The following TULP1 variants were observed in gnomAD, a reference collection of about 807,000 sequenced individuals.
TULP1 encodes tubby-related protein 1.
A neutral mutation model predicts 67.1 loss-of-function variants in TULP1; 50 were observed. That is an observed-to-expected ratio of 0.75 (90% CI 0.59 to 0.94). TULP1 has a LOEUF of 0.94. TULP1 is among the 40% of genes least tolerant of loss of function. The pLI is 0.00. For missense variants in TULP1, 746 were observed against 734.1 expected (o/e 1.02, Z -0.19); for synonymous variants, 297 against 294.0 (o/e 1.01, Z -0.11).
chr6:35,510,621 G>A, intron 5 of TULP1: 2 of 726,584 alleles, frequency 2.8e-6, no homozygotes, highest in Non-Finnish European at 4.4e-6. Context: ...AGAATCCTCT[G>A]TCCTCCTCTG....
chr6:35,508,649 A>C (rs1761127583), intron 8 of TULP1, among the ~76,000 whole-genome samples: 1 of 152,186 alleles, frequency 6.6e-6, no homozygotes, highest in Admixed American at 6.5e-5. Context: ...TATTCAAAAT[A>C]TTTAACAACC....
In TULP1 at chr6:35,505,266, G is replaced by C. The variant is rs181977722; in HGVS notation, c.1112+475C>G. Among the ~76,000 whole-genome samples the C allele has an allele frequency of 7.9e-5, 12 of 152,358 alleles. No homozygotes were observed. In the East Asian group the frequency reaches 2.3e-3, roughly 29 times the overall value. ...TACATACATTTAGGAAATAAGGCCT[G>C]ACTCAGGCATCCCCTTCCTTCAGCT... On this transcript the variant is annotated intron_variant, in intron 11 of 14. Coordinates refer to ENST00000229771, the MANE Select transcript of TULP1 (RefSeq NM_003322.6).
intron 8 of TULP1, among the ~76,000 whole-genome samples, chr6:35,508,326 A>C (rs1018534907): frequency 1.3e-5 from 2 of 152,256 alleles, no homozygotes; most frequent in Admixed American, 6.5e-5. Context: ...GCAAATTTCA[A>C]GAGCCTACTG....
chr6:35,504,817 C>T (rs1051695316), intron 11 of TULP1, among the ~76,000 whole-genome samples: 1 of 152,010 alleles, frequency 6.6e-6, no homozygotes, highest in Admixed American at 6.6e-5. Context: ...CCGCCCGCCT[C>T]AGCCTCCCAA....
At chr6:35,511,039 G>T (rs2273002) in intron 4 of TULP1, 29 bp from the exon 5 acceptor site, 1 of 1,600,580 alleles carries the variant, frequency 6.2e-7, no homozygotes, top group East Asian at 2.2e-5. Context: ...CATAATGGGG[G>T]TTTGAGCCGG....
At chr6:35,512,298 G>A in intron 2 of TULP1, 28 bp from the exon 3 acceptor site, 1 of 1,273,152 alleles carries the variant, frequency 7.9e-7, no homozygotes, top group South Asian at 1.9e-5. Context: ...AGAGGAGGTC[G>A]AGGAAGGAAA....
Position 35,503,593 on chromosome 6 carries a change from G to T in TULP1, c.1289C>A (p.Ala430Glu). Residue 430 changes from alanine to glutamate, a missense_variant, in exon 13 of 15, where the codon GCG (alanine) becomes GAG (glutamate). By Grantham distance (107) the Ala-to-Glu change is moderately radical (BLOSUM62 -1). This residue lies in a region of TULP1 where 383 missense variants were observed against 374.1 expected (regional missense o/e 1.02). Coordinates refer to ENST00000229771, the MANE Select transcript of TULP1 (RefSeq NM_003322.6). This position sits in a 1 kb window ranked among gnomAD's most constrained non-coding sequence, Gnocchi z 4.0. ...RMTVIIPGMS[A>E]ENERVPIRPR... ...CCGGATGGGGACCCTCTCGTTCTCC[G>T]CACTCATGCCAGGAATGATGACGGT... is the stretch of plus-strand genomic sequence containing the variant. 1 of 1,591,492 alleles carries T rather than the reference G, an allele frequency of 6.3e-7. No individual in the cohort carries two copies. Among genetic ancestry groups the T allele is most frequent in the Non-Finnish European group, 8.6e-7 (1 of 1,169,176 alleles).
At position 35,503,453 on chromosome 6, in the gene TULP1, G is replaced by T; in HGVS notation, c.1323+106C>A. The T allele has an allele frequency of 1.7e-6, 2 of 1,165,036 alleles. No individual in the cohort carries two copies. The allele number at this position is 1,165,036 out of a possible 1,614,324, so 72.2% of individuals were successfully genotyped here. A position where few individuals can be genotyped will look rare whatever the true frequency, so the allele number is the denominator to read the frequency against. Reference sequence around the variant, plus strand: ...CCCTAGGTGGCCAGAATGAATTTGTGTTGGAGGGTGATGGATGTGCTCAGG... The same window carrying T: ...CCCTAGGTGGCCAGAATGAATTTGTTTTGGAGGGTGATGGATGTGCTCAGG... On this transcript the variant is annotated intron_variant, in intron 13 of 14. Coordinates refer to ENST00000229771, the MANE Select transcript of TULP1 (RefSeq NM_003322.6). The surrounding 1 kb of genome is among the most constrained non-coding windows in gnomAD (Gnocchi z 4.0).
In TULP1 at chr6:35,500,647, C is replaced by T. The variant is rs1192618921; in HGVS notation, c.1324-495G>A. Among the ~76,000 whole-genome samples the T allele has an allele frequency of 3.3e-5, 5 of 152,318 alleles. No homozygotes were observed. In the East Asian group the frequency reaches 7.7e-4, roughly 23 times the overall value. Reference sequence around the variant, plus strand: ...CTTGAGTTTCCTTGTCGCCTGCTCACGTTCATGGATTAGAGTGAGTCCACT... The same window carrying T: ...CTTGAGTTTCCTTGTCGCCTGCTCATGTTCATGGATTAGAGTGAGTCCACT... On this transcript the variant is annotated intron_variant, in intron 13 of 14. Transcript: ENST00000229771.
chr6:35,511,845 C>A, intron 3 of TULP1, 39 bp from the exon 4 acceptor site: 1 of 1,492,914 alleles, frequency 6.7e-7, no homozygotes. Flanking sequence ...GTCCCATCCG[C>A]GGGTCCGCGA....
chr6:35,512,144 C>T, intron 3 of TULP1, 36 bp downstream of exon 3: 1 of 1,293,956 alleles, frequency 7.7e-7, no homozygotes, highest in Non-Finnish European at 1.0e-6. Flanking sequence ...GCAGCCCACA[C>T]CCTGGGGGTC....
chr6:35,500,370 G>A (rs1457537904), intron 13 of TULP1, among the ~76,000 whole-genome samples: 3 of 152,176 alleles, frequency 2.0e-5, no homozygotes, highest in Admixed American at 6.5e-5. Flanking sequence ...GGATGTCAAA[G>A]CGGAGGGCTG....
rs1260558245 is a variant in TULP1 at position 35,498,794 on chromosome 6, C to G, written c.1496-334G>C. 6.6e-6 allele frequency among the ~76,000 whole-genome samples: 1 copy of G among 152,170 alleles called. No homozygotes were observed. Among genetic ancestry groups the G allele is most frequent in the Non-Finnish European group, 1.5e-5 (1 of 68,034 alleles). ...TTCCTTCCCAAATTCTCTGTTGTTT[C>G]TGGCCACAGTCTTTCCTCCTATCCC... On this transcript the variant is annotated intron_variant, in intron 14 of 14. Coordinates refer to ENST00000229771, the MANE Select transcript of TULP1 (RefSeq NM_003322.6). This position sits in a 1 kb window ranked among gnomAD's most constrained non-coding sequence, Gnocchi z 6.7.
chr6:35,506,490 TACTA>T (rs1490089086), intron 8 of TULP1, among the ~76,000 whole-genome samples: 1 of 152,232 alleles, frequency 6.6e-6, no homozygotes, highest in Admixed American at 6.5e-5. Flanking sequence ...CTAGTTTCAC[TACTA>T]ACTGTCTTCA....
At chr6:35,509,479 A>G (rs1483433502) in intron 7 of TULP1, among the ~76,000 whole-genome samples, 155 bp downstream of exon 7, 1 of 152,120 alleles carries the variant, frequency 6.6e-6, no homozygotes, top group African/African-American at 2.4e-5. Flanking sequence ...CCGCATAGCT[A>G]TCAAAGCGGG....
chr6:35,511,460 G>A (rs1472308499), intron 4 of TULP1, among the ~76,000 whole-genome samples, 188 bp downstream of exon 4: 1 of 151,952 alleles, frequency 6.6e-6, no homozygotes, highest in Non-Finnish European at 1.5e-5. Context: ...CAATGGTGGA[G>A]GGGGGGAACA....
In TULP1 at chr6:35,506,065, T is replaced by A; in HGVS notation, c.937A>T (p.Lys313Ter). 6.2e-7 allele frequency: 1 copy of A among 1,613,836 alleles called. No homozygotes were observed. The highest frequency in any genetic ancestry group is 8.5e-7 in the Non-Finnish European group (1 of 1,180,036). The change falls in exon 10 of 15, where the codon AAA becomes TAA. Residue 313 changes from lysine (K) to a stop codon, truncating the protein, a stop_gained. Transcript: ENST00000229771. LOFTEE classifies it high-confidence loss of function. ...RTVRCRLTRDKKGMDRGMYPS... is the reference protein window; with the variant it reads ...RTVRCRLTRD The stretch of plus-strand genomic sequence containing the variant: ...TACATGCCTCGATCCATGCCCTTTT[T>A]GTCCCGGGTCAGCCGGCAGCGCACC...
intron 13 of TULP1, 101 bp from the exon 14 acceptor site, chr6:35,500,253 G>A (rs1385691827): frequency 1.6e-6 from 2 of 1,289,290 alleles, no homozygotes; most frequent in East Asian, 2.3e-5. Context: ...GTGCACAGGG[G>A]TGTGGCCTGG....
chr6:35,505,500 G>T, intron 11 of TULP1: 1 of 1,158,394 alleles, frequency 8.6e-7, no homozygotes, highest in Non-Finnish European at 1.2e-6. Context: ...GCTGGCAGCA[G>T]TGTGGGCATC....
Sources: allele counts gnomAD v4.1 joint callset (sites outside exome capture counted in the v4.1 genomes callset), GRCh38; gene constraint gnomAD v4.1.1; regional missense constraint gnomAD v4.1.1; non-coding constraint Gnocchi (gnomAD v3.1); transcripts MANE v1.5; gene names NCBI Gene and HGNC (gene_info 2026-07-23, HGNC 2026-07-21).